The following SLC8A1 variants were observed in gnomAD, a reference collection of about 807,000 sequenced individuals.
SLC8A1 encodes sodium/calcium exchanger 1.
In SLC8A1, 18 loss-of-function variants were observed where a neutral mutation model predicts 68.3. That is an observed-to-expected ratio of 0.26 (90% CI 0.18 to 0.39). SLC8A1 has a LOEUF of 0.39. Among genes scored for constraint, SLC8A1 ranks in the 10% least tolerant of loss-of-function variants. SLC8A1 has a pLI of 1.00. For missense variants in SLC8A1, 985 were observed against 1,156.7 expected (o/e 0.85, Z 2.15); for synonymous variants, 475 against 415.5 (o/e 1.14, Z -1.74).
chr2:40,319,169 G>A (rs570839821), intron 2 of SLC8A1, among the ~76,000 whole-genome samples: 20 of 152,182 alleles, frequency 1.3e-4, no homozygotes, highest in African/African-American at 4.6e-4. Context: ...AAATCCAAGC[G>A]ATGGATTGTT....
intron 2 of SLC8A1, among the ~76,000 whole-genome samples, chr2:40,393,369 C>G (rs1403747754): frequency 6.6e-6 from 1 of 152,012 alleles, no homozygotes; most frequent in East Asian, 1.9e-4. Flanking sequence ...GTTGCTTTAT[C>G]TGGTAGTATA....
At chr2:40,334,720 T>A (rs1489347532) in intron 2 of SLC8A1, among the ~76,000 whole-genome samples, 1 of 152,152 alleles carries the variant, frequency 6.6e-6, no homozygotes, top group Non-Finnish European at 1.5e-5. Flanking sequence ...AGATCATTGA[T>A]CAAATGACGT....
chr2:40,430,858 G>C (rs1041492421), intron 1 of SLC8A1, among the ~76,000 whole-genome samples: 1 of 152,120 alleles, frequency 6.6e-6, no homozygotes, highest in African/African-American at 2.4e-5. Context: ...TTAAACGCCA[G>C]AGAGCATCTT....
At chr2:40,359,278 G>A (rs778299156) in intron 2 of SLC8A1, among the ~76,000 whole-genome samples, 1 of 152,004 alleles carries the variant, frequency 6.6e-6, no homozygotes, top group Non-Finnish European at 1.5e-5. Flanking sequence ...TGGACATTTT[G>A]GGTTTGATAA....
chr2:40,443,145 C>T (rs1201756228), intron 1 of SLC8A1, among the ~76,000 whole-genome samples: 1 of 152,090 alleles, frequency 6.6e-6, no homozygotes, highest in Non-Finnish European at 1.5e-5. Flanking sequence ...AGGACAAATA[C>T]CTAACGCATG....
At chr2:40,364,238 G>A (rs1470828694) in intron 2 of SLC8A1, among the ~76,000 whole-genome samples, 5 of 151,938 alleles carry the variant, frequency 3.3e-5, no homozygotes, top group Admixed American at 1.3e-4. Flanking sequence ...CTCAGTATAT[G>A]AATTAACTGA....
At chr2:40,165,772 A>G (rs1206928305) in intron 4 of SLC8A1, among the ~76,000 whole-genome samples, 2 of 152,126 alleles carry the variant, frequency 1.3e-5, no homozygotes, top group Non-Finnish European at 2.9e-5. Flanking sequence ...AGGAAATGTT[A>G]ATGGATCCAA....
intron 2 of SLC8A1, among the ~76,000 whole-genome samples, chr2:40,284,279 C>T (rs1033148531): frequency 1.3e-5 from 2 of 149,070 alleles, no homozygotes; most frequent in African/African-American, 4.9e-5. Context: ...ATAGAGACAT[C>T]TCTGATCTCG....
intron 1 of SLC8A1, among the ~76,000 whole-genome samples, chr2:40,478,091 C>A (rs1017133985): frequency 6.6e-6 from 1 of 151,842 alleles, no homozygotes; most frequent in Non-Finnish European, 1.5e-5. Flanking sequence ...TTCTTTTTTT[C>A]TTTTTCTTCC....
At chr2:40,427,541 G>A (rs932371508) in intron 2 of SLC8A1, among the ~76,000 whole-genome samples, 2 of 151,780 alleles carry the variant, frequency 1.3e-5, no homozygotes, top group Admixed American at 1.3e-4. Flanking sequence ...TGTTCATAGA[G>A]TCAAATTTTC....
At chr2:40,259,863 T>C (rs2064452614) in intron 2 of SLC8A1, among the ~76,000 whole-genome samples, 1 of 152,140 alleles carries the variant, frequency 6.6e-6, no homozygotes, top group Non-Finnish European at 1.5e-5. Context: ...TTCTATTAGT[T>C]TCTGCATAAG....
chr2:40,193,403 T>C lies in SLC8A1; in HGVS notation c.1809-15548A>G, dbSNP rs1054396661. ...ACGAATTCACAGCTTAGAGAAGGGA[T>C]AGGCATGTAAACCAAAGATTATGCA... On this transcript the variant is annotated intron_variant, in intron 2 of 7. Coordinates refer to ENST00000406785, the Ensembl canonical transcript of SLC8A1. 3.3e-5 allele frequency among the ~76,000 whole-genome samples: 5 copies of C among 152,100 alleles called. No homozygotes were observed. The South Asian group carries it at 8.3e-4, about 25-fold the overall frequency.
intron 2 of SLC8A1, among the ~76,000 whole-genome samples, chr2:40,351,385 G>A (rs1302747923): frequency 6.6e-6 from 1 of 152,058 alleles, no homozygotes; most frequent in Non-Finnish European, 1.5e-5. Flanking sequence ...TGGAGAATGT[G>A]GAGACAGTGT....
intron 2 of SLC8A1, among the ~76,000 whole-genome samples, chr2:40,418,831 A>G (rs1371077331): frequency 1.3e-5 from 2 of 152,138 alleles, no homozygotes. Context: ...TGGGATGGGG[A>G]CAGGAGAGGA....
intron 1 of SLC8A1, among the ~76,000 whole-genome samples, chr2:40,466,149 GA>G (rs1386587569): frequency 1.3e-5 from 2 of 152,102 alleles, no homozygotes; most frequent in Non-Finnish European, 2.9e-5. Flanking sequence ...AAACAAGGGG[GA>G]AATTGAGTCC....
intron 2 of SLC8A1, among the ~76,000 whole-genome samples, chr2:40,371,300 C>A (rs1156881678): frequency 6.6e-6 from 1 of 152,014 alleles, no homozygotes; most frequent in Non-Finnish European, 1.5e-5. Context: ...TCATTGTTGC[C>A]TTTCAAATAT....
upstream of SLC8A1, among the ~76,000 whole-genome samples, chr2:40,452,796 CAG>C (rs1434379901): frequency 3.3e-5 from 5 of 151,182 alleles, no homozygotes; most frequent in East Asian, 3.9e-4. Context: ...AGAACTGGGA[CAG>C]AGTCTCTGTG....
chr2:40,156,439 G>C (rs1257150843), intron 6 of SLC8A1, among the ~76,000 whole-genome samples: 2 of 149,710 alleles, frequency 1.3e-5, no homozygotes, highest in Non-Finnish European at 3.0e-5. Context: ...TATGCAAATG[G>C]ATATGTCAAA....
At chr2:40,411,740 C>T (rs17025965) in intron 2 of SLC8A1, among the ~76,000 whole-genome samples, 20,225 of 151,854 alleles carry the variant, frequency 0.13, 2,529 homozygotes, top group East Asian at 0.66. Context: ...CAAACCTTCA[C>T]AAAAAAGCAA....
Sources: gnomAD v4.1 joint callset for allele counts (sites outside exome capture counted in the v4.1 genomes callset) on GRCh38, gnomAD v4.1.1 for gene constraint, MANE v1.5 for transcripts, NCBI Gene and HGNC (gene_info 2026-07-23, HGNC 2026-07-21) for gene names.